The following PHLDB2 variants were observed in gnomAD, a reference collection of about 807,000 sequenced individuals.
The protein encoded by PHLDB2 is pleckstrin homology like domain family B member 2, also known as pleckstrin homology-like domain family B member 2.
In PHLDB2, 71 loss-of-function variants were observed where a neutral mutation model predicts 123.6. That is an observed-to-expected ratio of 0.57 (90% CI 0.47 to 0.70). The LOEUF (loss-of-function observed/expected upper bound fraction) is 0.70, where lower values mean the gene tolerates loss of function less well. Ranked by LOEUF, PHLDB2 falls within the 30% of genes least tolerant of loss-of-function variation. The probability of loss-of-function intolerance (pLI) is 0.00; values close to 1 mark genes in which losing one functional copy is unlikely to be tolerated. For missense variants in PHLDB2, 1,446 were observed against 1,519.5 expected, an observed-to-expected ratio of 0.95 and a Z score of 0.80; for synonymous variants, 547 against 541.6, an observed-to-expected ratio of 1.01 and a Z score of -0.14.
chr3:111,771,117 AAAG>A (rs1024413604), intron 1 of PHLDB2, among the ~76,000 whole-genome samples: 30 of 152,330 alleles, frequency 2.0e-4, no homozygotes, highest in African/African-American at 7.0e-4. Flanking sequence ...GGGTTTTGAG[AAAG>A]AAGAAGCGGT....
At chr3:111,854,946 G>A (rs2064415084), upstream of PHLDB2, among the ~76,000 whole-genome samples, 1 of 152,222 alleles carries the variant, frequency 6.6e-6, no homozygotes, top group Non-Finnish European at 1.5e-5. Context: ...AGAATGCTCT[G>A]TGAATCTGCC....
chr3:111,839,786 C>T (rs1207388458), intron 1 of PHLDB2, among the ~76,000 whole-genome samples: 1 of 151,942 alleles, frequency 6.6e-6, no homozygotes, highest in East Asian at 1.9e-4. Flanking sequence ...AAACATAACA[C>T]CGGCTTTAGG....
At chr3:111,862,446 A>G (rs985750321) in intron 1 of PHLDB2, among the ~76,000 whole-genome samples, 1 of 152,180 alleles carries the variant, frequency 6.6e-6, no homozygotes, top group Non-Finnish European at 1.5e-5. Context: ...CCCCCAGAGG[A>G]TACTGGCAAC....
intron 1 of PHLDB2, among the ~76,000 whole-genome samples, chr3:111,759,691 C>A (rs1374805775): frequency 1.3e-5 from 2 of 152,202 alleles, no homozygotes; most frequent in Non-Finnish European, 1.5e-5. Flanking sequence ...AATCAGTCAT[C>A]ATGCAACCCT....
chr3:111,810,682 G>A (rs897842147), intron 1 of PHLDB2, among the ~76,000 whole-genome samples: 10 of 152,162 alleles, frequency 6.6e-5, no homozygotes, highest in East Asian at 1.9e-4. Context: ...TTCCAAGGAC[G>A]CTATTCCGTC....
chr3:111,791,608 T>C (rs1034971534), intron 1 of PHLDB2, among the ~76,000 whole-genome samples: 1 of 152,216 alleles, frequency 6.6e-6, no homozygotes, highest in African/African-American at 2.4e-5. Flanking sequence ...CTTTTTTGCT[T>C]TTAATGAAAT....
At chr3:111,809,162 G>A (rs1015447637) in intron 1 of PHLDB2, among the ~76,000 whole-genome samples, 1 of 152,194 alleles carries the variant, frequency 6.6e-6, no homozygotes, top group East Asian at 1.9e-4. Context: ...TTGTGAAACT[G>A]TAACATGACA....
intron 6 of PHLDB2, among the ~76,000 whole-genome samples, chr3:111,934,835 T>C (rs908448678): frequency 6.6e-6 from 1 of 152,152 alleles, no homozygotes; most frequent in Non-Finnish European, 1.5e-5. Context: ...TACCTTCTCA[T>C]TTCATATATG....
At chr3:111,936,798 CT>C (rs541436179) in intron 6 of PHLDB2, among the ~76,000 whole-genome samples, 1 of 151,912 alleles carries the variant, frequency 6.6e-6, no homozygotes, top group Non-Finnish European at 1.5e-5. Flanking sequence ...GGGCTTATTC[CT>C]TTTTTTTAAA....
chr3:111,890,052 C>T (rs948463950), intron 2 of PHLDB2, among the ~76,000 whole-genome samples: 1 of 152,140 alleles, frequency 6.6e-6, no homozygotes, highest in East Asian at 1.9e-4. Flanking sequence ...AAATATATTC[C>T]TGATCTGAGT....
intron 1 of PHLDB2, among the ~76,000 whole-genome samples, chr3:111,748,443 T>C (rs1157842912): frequency 6.6e-6 from 1 of 152,104 alleles, no homozygotes; most frequent in Non-Finnish European, 1.5e-5. Context: ...GGCAAAATAG[T>C]CAAAAGTCCA....
chr3:111,747,006 C>T (rs2107947274), intron 1 of PHLDB2, among the ~76,000 whole-genome samples: 1 of 152,230 alleles, frequency 6.6e-6, no homozygotes, highest in Non-Finnish European at 1.5e-5. Flanking sequence ...CCCAGCCAAA[C>T]TATAAATCAA....
intron 1 of PHLDB2, among the ~76,000 whole-genome samples, chr3:111,770,317 AT>A (rs1167149931): frequency 6.6e-6 from 1 of 151,978 alleles, no homozygotes; most frequent in Non-Finnish European, 1.5e-5. Context: ...AAAGCTCATT[AT>A]TTTTTTTCTC....
chr3:111,953,846 G>A, intron 11 of PHLDB2, 84 bp from the exon 12 acceptor site: 1 of 1,041,916 alleles, frequency 9.6e-7, no homozygotes, highest in Non-Finnish European at 1.4e-6. Flanking sequence ...TTAGATAGGA[G>A]CTTTGGAAAC....
At chr3:111,811,417 A>G (rs2061832057) in intron 1 of PHLDB2, among the ~76,000 whole-genome samples, 1 of 152,144 alleles carries the variant, frequency 6.6e-6, no homozygotes, top group South Asian at 2.1e-4. Context: ...GAAATGGCCC[A>G]GTTTTCTCAC....
chr3:111,762,847 G>A (rs1015934835), intron 1 of PHLDB2, among the ~76,000 whole-genome samples: 4 of 152,150 alleles, frequency 2.6e-5, no homozygotes, highest in African/African-American at 9.7e-5. Context: ...ACTCTCAGCA[G>A]ATTCATAAAC....
In PHLDB2 at chr3:111,884,115, T is replaced by C; in HGVS notation, c.38T>C (p.Leu13Ser). The change falls in exon 2 of 18, where the codon TTA becomes TCA. Residue 13 changes from leucine (L) to serine (S), a missense_variant. Transcript: ENST00000431670. ...AGCTACATACAAAAGGAGCTAGATT[T>C]ACAAAATGGTAGCTTAGAGGAAGAC... Reference protein sequence around the residue: ...EHSYIQKELDLQNGSLEEDSV... With the variant: ...EHSYIQKELDSQNGSLEEDSV... 1 of 1,614,036 alleles carries C rather than the reference T, an allele frequency of 6.2e-7. No homozygotes were observed. The highest frequency in any genetic ancestry group is 1.1e-5 in the South Asian group (1 of 91,060).
intron 1 of PHLDB2, among the ~76,000 whole-genome samples, chr3:111,779,134 T>C (rs1207436199): frequency 6.6e-6 from 1 of 152,152 alleles, no homozygotes; most frequent in African/African-American, 2.4e-5. Context: ...GTGATGTTGA[T>C]GCTGCTGGTC....
At chr3:111,804,168 T>C (rs1332311165) in intron 1 of PHLDB2, among the ~76,000 whole-genome samples, 1 of 152,196 alleles carries the variant, frequency 6.6e-6, no homozygotes, top group Non-Finnish European at 1.5e-5. Flanking sequence ...GCTTTATACA[T>C]TAAAATAGTA....
Sources: allele counts gnomAD v4.1 joint callset (sites outside exome capture counted in the v4.1 genomes callset), GRCh38; gene constraint gnomAD v4.1.1; transcripts MANE v1.5; gene names NCBI Gene and HGNC (gene_info 2026-07-23, HGNC 2026-07-21).